The following PDE4D variants were observed in gnomAD, a reference collection of about 807,000 sequenced individuals.
PDE4D encodes the protein phosphodiesterase 4D.
In PDE4D, 24 loss-of-function variants were observed where a neutral mutation model predicts 87.4. That is an observed-to-expected ratio of 0.27 (90% CI 0.20 to 0.39). The LOEUF (loss-of-function observed/expected upper bound fraction) is 0.39, where lower values mean the gene tolerates loss of function less well. Among genes scored for constraint, PDE4D ranks in the 10% least tolerant of loss-of-function variants. The pLI is 1.00. For missense variants in PDE4D, 714 were observed against 1,041.0 expected (o/e 0.69, Z 4.32); for synonymous variants, 384 against 383.2 (o/e 1.00, Z -0.02).
chr5:60,118,262 C>T (rs1457753277), intron 2 of PDE4D, among the ~76,000 whole-genome samples: 5 of 152,014 alleles, frequency 3.3e-5, no homozygotes, highest in African/African-American at 7.2e-5. Flanking sequence ...TTTCCCTAGG[C>T]GGCTTATCTG....
chr5:59,642,381 T>C (rs527855615), intron 1 of PDE4D, among the ~76,000 whole-genome samples: 3 of 152,362 alleles, frequency 2.0e-5, no homozygotes, highest in Non-Finnish European at 4.4e-5. Context: ...ACATATACAC[T>C]GATACGGTTT....
At chr5:59,126,095 TA>T (rs72194172) in intron 5 of PDE4D, among the ~76,000 whole-genome samples, 15 of 127,860 alleles carry the variant, frequency 1.2e-4, no homozygotes, top group East Asian at 2.4e-4. Flanking sequence ...AGTACAATTG[TA>T]AAAAAAAAAA....
chr5:59,038,797 T>C, intron 6 of PDE4D, 62 bp downstream of exon 6: 1 of 1,388,162 alleles, frequency 7.2e-7, no homozygotes, highest in African/African-American at 1.5e-5. Context: ...TGGGTACCAG[T>C]GGCTCGCCGG....
chr5:59,722,046 ATACT>A (rs767689254), intron 1 of PDE4D, among the ~76,000 whole-genome samples: 10 of 152,184 alleles, frequency 6.6e-5, no homozygotes, highest in Non-Finnish European at 1.0e-4. Context: ...TGTTCCCCAA[ATACT>A]TACTCCCTTT....
chr5:59,268,727 A>T (rs26711), intron 1 of PDE4D, among the ~76,000 whole-genome samples: 107,124 of 151,914 alleles, frequency 0.71, 38,570 homozygotes, highest in Admixed American at 0.75. Context: ...CCTATTCTCT[A>T]TACCTTTATC....
chr5:59,661,038 G>A (rs2150285774), intron 1 of PDE4D, among the ~76,000 whole-genome samples: 1 of 146,750 alleles, frequency 6.8e-6, no homozygotes, highest in East Asian at 2.0e-4. Context: ...TATAATCCCA[G>A]GAGCAGTTTG....
intron 1 of PDE4D, among the ~76,000 whole-genome samples, chr5:59,759,605 A>G (rs1761725220): frequency 6.6e-6 from 1 of 152,210 alleles, no homozygotes; most frequent in African/African-American, 2.4e-5. Context: ...GATTTCGTGG[A>G]AAGCCAACTA....
At chr5:59,557,335 C>A (rs538098180) in intron 1 of PDE4D, among the ~76,000 whole-genome samples, 43 of 152,300 alleles carry the variant, frequency 2.8e-4, no homozygotes, top group Non-Finnish European at 1.5e-4. Context: ...TCCTCCATCA[C>A]CCCCTACATT....
intron 1 of PDE4D, among the ~76,000 whole-genome samples, chr5:59,395,662 A>T (rs559444948): frequency 1.4e-5 from 2 of 142,116 alleles, no homozygotes; most frequent in Non-Finnish European, 3.1e-5. Context: ...GGAAACTCTA[A>T]AAATCAGAGC....
chr5:60,274,339 C>CGTTGTT (rs34740331), intron 1 of PDE4D, among the ~76,000 whole-genome samples: 51 of 150,274 alleles, frequency 3.4e-4, no homozygotes, highest in African/African-American at 1.2e-3. Context: ...TGGTTCTTGT[C>CGTTGTT]GTTGTTGTTG....
intron 1 of PDE4D, among the ~76,000 whole-genome samples, chr5:60,480,734 A>G (rs1367035038): frequency 6.6e-6 from 1 of 152,212 alleles, no homozygotes; most frequent in African/African-American, 2.4e-5. Context: ...AAGACTAGAA[A>G]TATAATACAT....
chr5:59,699,378 T>C (rs1189348810), intron 1 of PDE4D, among the ~76,000 whole-genome samples: 1 of 152,138 alleles, frequency 6.6e-6, no homozygotes, highest in Non-Finnish European at 1.5e-5. Context: ...AAGAGTTAGC[T>C]CTCTGGCCAC....
intron 1 of PDE4D, among the ~76,000 whole-genome samples, chr5:59,312,581 C>T (rs1772912034): frequency 6.6e-6 from 1 of 152,282 alleles, no homozygotes; most frequent in Middle Eastern, 3.4e-3. Flanking sequence ...GAAAAGTCTA[C>T]AGGAAACTTA....
In PDE4D at chr5:59,574,103, TTTATATATATATATAA is replaced by T. The variant is rs1326249312; in HGVS notation, c.455+319049_455+319064del. Among the ~76,000 whole-genome samples the T allele has an allele frequency of 5.1e-4, 20 of 39,410 alleles. 1 individual carries two copies. Among genetic ancestry groups the T allele is most frequent in the African/African-American group, 2.8e-3 (18 of 6,382 alleles). The allele number at this position is 39,410 out of a possible 152,430, so 25.9% of individuals were successfully genotyped here. On this transcript the variant is annotated intron_variant, in intron 1 of 14. Coordinates refer to ENST00000340635, the MANE Select transcript of PDE4D (RefSeq NM_001104631.2). ...ATATATTTATATATATAAATATATA[TTTATATATATATATAA>T]ATATATATTTATATATATATATATA...
At chr5:60,300,081 T>A (rs1425661328) in intron 1 of PDE4D, among the ~76,000 whole-genome samples, 6 of 152,212 alleles carry the variant, frequency 3.9e-5, no homozygotes, top group Non-Finnish European at 8.8e-5. Context: ...TTATTCTTAA[T>A]CACAGCTGTC....
intron 2 of PDE4D, among the ~76,000 whole-genome samples, chr5:60,160,498 A>T (rs913448389): frequency 6.6e-6 from 1 of 151,866 alleles, no homozygotes; most frequent in Non-Finnish European, 1.5e-5. Context: ...CACTAACAAA[A>T]TTTTTTTTAA....
At chr5:59,588,683 T>C (rs1825535640) in intron 1 of PDE4D, among the ~76,000 whole-genome samples, 1 of 152,160 alleles carries the variant, frequency 6.6e-6, no homozygotes, top group South Asian at 2.1e-4. Context: ...AAGATGATCC[T>C]AAAAGGAGGA....
intron 1 of PDE4D, among the ~76,000 whole-genome samples, chr5:60,370,213 A>C (rs1457410112): frequency 6.6e-6 from 1 of 152,104 alleles, no homozygotes; most frequent in Admixed American, 6.5e-5. Context: ...GTACCCATAC[A>C]TCCCAGTTTG....
chr5:60,156,280 T>C (rs1781971164), intron 2 of PDE4D, among the ~76,000 whole-genome samples: 1 of 152,220 alleles, frequency 6.6e-6, no homozygotes, highest in Non-Finnish European at 1.5e-5. Flanking sequence ...GCTCACTCAG[T>C]GCCCATTTTT....
Sources: gnomAD v4.1 joint callset for allele counts (sites outside exome capture counted in the v4.1 genomes callset) on GRCh38, gnomAD v4.1.1 for gene constraint, MANE v1.5 for transcripts, NCBI Gene and HGNC (gene_info 2026-07-23, HGNC 2026-07-21) for gene names.